DYSF: variants seen among roughly 807,000 people sequenced by gnomAD.
The protein encoded by DYSF is dystrophy-associated fer-1-like 1.
DYSF carries 212 observed loss-of-function variants against 274.9 expected under a neutral mutation model. The observed-to-expected ratio is 0.77, with a 90% confidence interval of 0.69 to 0.86. The LOEUF is 0.86. Among genes scored for constraint, DYSF ranks in the 40% least tolerant of loss-of-function variants. The probability of loss-of-function intolerance (pLI) is 0.00; values close to 1 mark genes in which losing one functional copy is unlikely to be tolerated. For synonymous variants in DYSF, 1,091 were observed against 1,078.7 expected (o/e 1.01, Z -0.22); for missense variants, 2,666 against 2,783.2 (o/e 0.96, Z 0.95).
intron 30 of DYSF, among the ~76,000 whole-genome samples, chr2:71,584,105 A>G (rs1198638970): frequency 6.6e-6 from 1 of 150,960 alleles, no homozygotes; most frequent in East Asian, 2.0e-4. Flanking sequence ...GGCATGAGCT[A>G]TCAAGGCAGG....
rs550532007 is a variant in DYSF at position 71,600,016 on chromosome 2, G to T, written c.3757-686G>T. 1.2e-3 allele frequency among the ~76,000 whole-genome samples: 189 copies of T among 152,278 alleles called. 1 individual carries two copies. The highest frequency in any genetic ancestry group is 2.0e-3 in the Non-Finnish European group (139 of 68,020). On this transcript the variant is annotated intron_variant, in intron 33 of 55. Transcript: ENST00000410020. ...CCTGGCACCTTCGGAGCAGGAGGGA[G>T]GCAGGCGGCAGGGCTGGCACTTCTC...
At position 71,582,868 on chromosome 2, in the gene DYSF, G is replaced by C. The variant is rs550089648; in HGVS notation, c.3403-6725G>C. Among the ~76,000 whole-genome samples the C allele has an allele frequency of 2.6e-5, 4 of 151,740 alleles. No individual in the cohort carries two copies. In the South Asian group the frequency reaches 6.3e-4, roughly 24 times the overall value. ...AAGCAGCCTCAGGAGCAGAGATAAC[G>C]GGAAAAGGTAGTACAAAAATTAGAA... On this transcript the variant is annotated intron_variant, in intron 30 of 55. Coordinates refer to ENST00000410020, the MANE Select transcript of DYSF (RefSeq NM_001130987.2).
chr2:71,499,381 T>C (rs1362382148), intron 3 of DYSF, among the ~76,000 whole-genome samples: 3 of 152,270 alleles, frequency 2.0e-5, no homozygotes, highest in Non-Finnish European at 4.4e-5. Flanking sequence ...CTGTCGTCTA[T>C]GATGGACACG....
chr2:71,595,901 C>T (rs2093393592), intron 32 of DYSF, among the ~76,000 whole-genome samples: 1 of 152,190 alleles, frequency 6.6e-6, no homozygotes, highest in East Asian at 1.9e-4. Flanking sequence ...TCTGCCTCTC[C>T]CTCCTCTTAG....
At chr2:71,647,466 G>A (rs887556902) in intron 42 of DYSF, among the ~76,000 whole-genome samples, 1 of 152,112 alleles carries the variant, frequency 6.6e-6, no homozygotes, top group Non-Finnish European at 1.5e-5. Flanking sequence ...ATTTTATTGG[G>A]ACTTCCAGTA....
At chr2:71,638,591 T>A (rs227783) in intron 41 of DYSF, among the ~76,000 whole-genome samples, 92,525 of 152,102 alleles carry the variant, frequency 0.61, 29,419 homozygotes, top group Non-Finnish European at 0.71. Flanking sequence ...TATGTGGTCT[T>A]TTGTGATTAA....
intron 51 of DYSF, 90 bp from the exon 52 acceptor site, chr2:71,674,107 T>C (rs2095177235): frequency 1.7e-6 from 2 of 1,181,908 alleles, no homozygotes; most frequent in Admixed American, 3.8e-5. Flanking sequence ...CTCCTCTGCC[T>C]CCTCCAGGCA....
rs1406960539 is a variant in DYSF at position 71,564,086 on chromosome 2, T to A, written c.2438T>A (p.Ile813Asn). 6.2e-7 allele frequency: 1 copy of A among 1,614,216 alleles called. No individual in the cohort carries two copies. Among genetic ancestry groups the A allele is most frequent in the South Asian group, 1.1e-5 (1 of 91,074 alleles). Reference protein sequence around the residue: ...EPQNSLPDIVIWMLQGDKRVA... With the variant: ...EPQNSLPDIVNWMLQGDKRVA... Reference sequence around the variant, plus strand: ...CAGAACAGCCTGCCGGACATCGTCATCTGGATGCTGCAGGGAGACAAGCGT... The same window carrying A: ...CAGAACAGCCTGCCGGACATCGTCAACTGGATGCTGCAGGGAGACAAGCGT... Residue 813 changes from isoleucine to asparagine, a missense_variant, in exon 24 of 56, where the codon ATC (isoleucine) becomes AAC (asparagine). By Grantham distance (149) the Ile-to-Asn change is moderately radical (BLOSUM62 -3). Coordinates refer to ENST00000410020, the MANE Select transcript of DYSF (RefSeq NM_001130987.2).
chr2:71,530,280 G>A (rs1012303152), intron 14 of DYSF, among the ~76,000 whole-genome samples: 1 of 152,208 alleles, frequency 6.6e-6, no homozygotes, highest in South Asian at 2.1e-4. Context: ...GGGAATTCAC[G>A]TCCTGAGATT....
At chr2:71,591,769 C>T (rs1449772523) in intron 32 of DYSF, among the ~76,000 whole-genome samples, 4 of 152,226 alleles carry the variant, frequency 2.6e-5, no homozygotes, top group Admixed American at 1.3e-4. Flanking sequence ...CTTGCTGGTC[C>T]ACTCTCCTCC....
intron 13 of DYSF, 59 bp downstream of exon 13, chr2:71,526,405 T>TGGGGGGGGGGG: frequency 2.7e-6 from 1 of 370,352 alleles, no homozygotes; most frequent in Non-Finnish European, 3.9e-6. Context: ...GCAGGGCTGG[T>TGGGGGGGGGGG]GGGGGTGGGC....
At chr2:71,618,643 G>GGTGTGTGT (rs1221065676) in intron 40 of DYSF, among the ~76,000 whole-genome samples, 1 of 87,552 alleles carries the variant, frequency 1.1e-5, no homozygotes. Context: ...TACAGGAGGT[G>GGTGTGTGT]GTGTGTGTGG....
intron 34 of DYSF, 146 bp downstream of exon 34, chr2:71,600,988 A>C: frequency 1.9e-6 from 2 of 1,035,718 alleles, no homozygotes; most frequent in Non-Finnish European, 2.8e-6. Flanking sequence ...ACACCATCTA[A>C]CATCGGAATA....
chr2:71,648,881 C>T lies in DYSF; in HGVS notation c.4626+4818C>T, dbSNP rs74362725. ...AGATCATCAAAGAAAGACAGGGTGA[C>T]CTGAGGATTATATGTTCAGCCAAGC... On this transcript the variant is annotated intron_variant, in intron 42 of 55. Coordinates refer to ENST00000410020, the MANE Select transcript of DYSF (RefSeq NM_001130987.2). Among the ~76,000 whole-genome samples the T allele has an allele frequency of 5.1e-3, 776 of 152,044 alleles. 4 individuals are homozygous for T. Among genetic ancestry groups the T allele is most frequent in the Middle Eastern group, 0.048 (14 of 294 alleles).
rs1326497432 is a variant in DYSF at position 71,549,353 on chromosome 2, A to C, written c.1577-1688A>C. 1 of 1,612,664 alleles carries C rather than the reference A, an allele frequency of 6.2e-7. No homozygotes were observed. Among genetic ancestry groups the C allele is most frequent in the Non-Finnish European group, 8.5e-7 (1 of 1,179,316 alleles). On this transcript the variant is annotated intron_variant, in intron 17 of 55. Transcript: ENST00000410020. ...TTTCCATTTCTTTACGCTTCAGAGGAGCCTGCAGGTGCTGTCAAGCCTTCG... is the reference window on the plus strand; with the variant it reads ...TTTCCATTTCTTTACGCTTCAGAGGCGCCTGCAGGTGCTGTCAAGCCTTCG...
At chr2:71,620,299 G>C (rs780198491) in intron 40 of DYSF, among the ~76,000 whole-genome samples, 1 of 152,196 alleles carries the variant, frequency 6.6e-6, no homozygotes, top group Non-Finnish European at 1.5e-5. Context: ...ACTCACTGTC[G>C]CCCTGTGAGG....
At chr2:71,626,588 ATATAT>A (rs2094212079) in intron 41 of DYSF, among the ~76,000 whole-genome samples, 1 of 151,812 alleles carries the variant, frequency 6.6e-6, no homozygotes, top group Non-Finnish European at 1.5e-5. Context: ...GCTGATCATG[ATATAT>A]TATCTTTTTT....
chr2:71,454,589 C>T (rs559084521), intron 1 of DYSF, among the ~76,000 whole-genome samples: 276 of 152,330 alleles, frequency 1.8e-3, no homozygotes, highest in Non-Finnish European at 2.4e-3. Flanking sequence ...GGCACCCTAC[C>T]CTTGCTTTGC....
intron 54 of DYSF, 23 bp from the exon 55 acceptor site, chr2:71,682,507 G>C (rs2095308807): frequency 1.2e-6 from 2 of 1,614,108 alleles, no homozygotes; most frequent in African/African-American, 1.3e-5. Context: ...ATGCCCAGTT[G>C]ACCTCCGGGA....
Sources: gnomAD v4.1 joint callset for allele counts (sites outside exome capture counted in the v4.1 genomes callset) on GRCh38, gnomAD v4.1.1 for gene constraint, MANE v1.5 for transcripts, NCBI Gene and HGNC (gene_info 2026-07-23, HGNC 2026-07-21) for gene names.